Variants in PDE10A observed in about 807,000 individuals in gnomAD.
The protein encoded by PDE10A is phosphodiesterase 10A, also known as cAMP and cAMP-inhibited cGMP 3',5'-cyclic phosphodiesterase 10A.
Under a neutral mutation model 97.7 loss-of-function variants are expected in PDE10A, and 39 were observed. The ratio of observed to expected loss-of-function variants is 0.40; its 90% CI spans 0.31 to 0.52. The LOEUF is 0.52. PDE10A is among the 20% of genes least tolerant of loss of function. PDE10A has a pLI of 0.56. For synonymous variants in PDE10A, 371 were observed against 376.8 expected (o/e 0.98, Z 0.18); for missense variants, 731 against 1,047.8 (o/e 0.70, Z 4.17).
intron 3 of PDE10A, among the ~76,000 whole-genome samples, chr6:165,479,794 G>C (rs1779499462): frequency 6.6e-6 from 1 of 152,086 alleles, no homozygotes. Flanking sequence ...TGAATGATAG[G>C]TAAGAAGACA....
chr6:165,746,924 A>G (rs972537471), intron 1 of PDE10A, among the ~76,000 whole-genome samples: 1 of 152,238 alleles, frequency 6.6e-6, no homozygotes, highest in African/African-American at 2.4e-5. Context: ...TTAATATATC[A>G]CTGGTGATAA....
At position 165,865,752 on chromosome 6, in the gene PDE10A, TA is replaced by T. The variant is rs34523633; in HGVS notation, c.-615+121776del. Reference sequence around the variant, plus strand: ...ATAACTCAGACAAGAAAAAAAGGGATAAAAAAAAGAAGAAAGTCTATGTGCT... The same window carrying T: ...ATAACTCAGACAAGAAAAAAAGGGATAAAAAAAGAAGAAAGTCTATGTGCT... On this transcript the variant is annotated intron_variant, in intron 1 of 19. Transcript: ENST00000366882. Among the ~76,000 whole-genome samples the T allele has an allele frequency of 3.8e-3, 576 of 151,600 alleles. 3 individuals are homozygous for T. The highest frequency in any genetic ancestry group is 0.013 in the African/African-American group (553 of 41,386).
chr6:165,508,272 T>C (rs778249091), intron 2 of PDE10A, among the ~76,000 whole-genome samples: 1 of 152,094 alleles, frequency 6.6e-6, no homozygotes, highest in Non-Finnish European at 1.5e-5. Flanking sequence ...CACTGTATAT[T>C]ACATTGCATT....
chr6:165,455,775 C>T (rs575576335), intron 3 of PDE10A, among the ~76,000 whole-genome samples: 1 of 152,284 alleles, frequency 6.6e-6, no homozygotes, highest in Admixed American at 6.5e-5. Context: ...TGCTTTGTTG[C>T]ACACTTGACC....
chr6:165,447,540 G>C (rs73788391), intron 5 of PDE10A, among the ~76,000 whole-genome samples: 1 of 152,030 alleles, frequency 6.6e-6, no homozygotes, highest in African/African-American at 2.4e-5. Context: ...CATTCCACAC[G>C]TATCAGCCAA....
chr6:165,846,026 C>T (rs1780407728), intron 1 of PDE10A, among the ~76,000 whole-genome samples: 1 of 152,054 alleles, frequency 6.6e-6, no homozygotes, highest in African/African-American at 2.4e-5. Flanking sequence ...GGCATGGGGG[C>T]GGGTTGATGC....
intron 1 of PDE10A, among the ~76,000 whole-genome samples, chr6:165,687,673 T>A (rs1438818185): frequency 6.6e-6 from 1 of 152,212 alleles, no homozygotes; most frequent in Non-Finnish European, 1.5e-5. Flanking sequence ...ACGCTGTTTT[T>A]ATGCACTTCC....
At chr6:165,957,230 C>G (rs763571407) in intron 1 of PDE10A, among the ~76,000 whole-genome samples, 1 of 152,188 alleles carries the variant, frequency 6.6e-6, no homozygotes, top group African/African-American at 2.4e-5. Context: ...ACTATAATTC[C>G]AGCACTTTGG....
At chr6:165,862,004 A>C (rs113352768) in intron 1 of PDE10A, among the ~76,000 whole-genome samples, 209 of 152,354 alleles carry the variant, frequency 1.4e-3, no homozygotes, top group African/African-American at 4.7e-3. Flanking sequence ...CATGCAGTGC[A>C]GTCACATCCT....
At chr6:165,926,055 T>G (rs1216290047) in intron 1 of PDE10A, among the ~76,000 whole-genome samples, 5 of 152,226 alleles carry the variant, frequency 3.3e-5, no homozygotes, top group Non-Finnish European at 5.9e-5. Flanking sequence ...AAATAAAAGT[T>G]TAAAAAATCT....
intron 1 of PDE10A, among the ~76,000 whole-genome samples, chr6:165,568,946 C>T (rs1263270853): frequency 2.0e-5 from 3 of 152,086 alleles, no homozygotes; most frequent in South Asian, 4.2e-4. Context: ...ACAGAATAGC[C>T]GTTAGTGACA....
chr6:165,520,437 T>C (rs1782062735), intron 2 of PDE10A, among the ~76,000 whole-genome samples: 1 of 152,170 alleles, frequency 6.6e-6, no homozygotes, highest in African/African-American at 2.4e-5. Flanking sequence ...GACTTGGAAC[T>C]ACTTCGTGCT....
intron 1 of PDE10A, among the ~76,000 whole-genome samples, chr6:165,904,759 G>A (rs984094233): frequency 6.6e-6 from 1 of 152,046 alleles, no homozygotes; most frequent in Non-Finnish European, 1.5e-5. Flanking sequence ...TTTTGTGTTC[G>A]CTTAGTACTG....
intron 1 of PDE10A, among the ~76,000 whole-genome samples, chr6:165,943,227 GAAAGAAA>G (rs1562809773): frequency 0.034 from 1,858 of 55,358 alleles, 22 homozygotes; most frequent in Admixed American, 0.053. Context: ...AAGAAAGAAA[GAAAGAAA>G]GAAGGAAGGA....
intron 1 of PDE10A, among the ~76,000 whole-genome samples, chr6:165,709,718 C>T (rs1002712071): frequency 1.5e-4 from 19 of 123,206 alleles, no homozygotes; most frequent in Non-Finnish European, 3.2e-4. Context: ...ACTGTCCCCC[C>T]ACTCTCTACC....
rs879567336 is a variant in PDE10A, at chr6:165,369,125, G to A, written c.2783+10069C>T. Among the ~76,000 whole-genome samples, 411 of 151,970 alleles carry A rather than the reference G, an allele frequency of 2.7e-3. 1 individual carries two copies. The highest frequency in any genetic ancestry group is 4.3e-3 in the Non-Finnish European group (290 of 67,956). ...AAAAGTAGATAAAACCACAAAGATG[G>A]GGAAAAAACAGAGCAGAAAAACTGG... On this transcript the variant is annotated intron_variant, in intron 18 of 21. Transcript: ENST00000539869.
chr6:165,405,458 G>A (rs1043005527), intron 13 of PDE10A, among the ~76,000 whole-genome samples: 11 of 152,142 alleles, frequency 7.2e-5, no homozygotes, highest in Non-Finnish European at 1.3e-4. Flanking sequence ...AAAATATAAT[G>A]ACTAATGTGA....
intron 1 of PDE10A, among the ~76,000 whole-genome samples, chr6:165,843,284 T>C (rs1421704307): frequency 2.6e-5 from 4 of 152,142 alleles, no homozygotes; most frequent in Non-Finnish European, 4.4e-5. Flanking sequence ...GAGTGGATTC[T>C]GGACAGAGTG....
chr6:165,497,883 G>A (rs550206644), intron 2 of PDE10A, among the ~76,000 whole-genome samples: 49 of 152,200 alleles, frequency 3.2e-4, no homozygotes, highest in African/African-American at 9.6e-4. Flanking sequence ...AAACTCTGTC[G>A]ACATTTGAGG....
Sources: allele counts gnomAD v4.1 joint callset (sites outside exome capture counted in the v4.1 genomes callset), GRCh38; gene constraint gnomAD v4.1.1; transcripts MANE v1.5; gene names NCBI Gene and HGNC (gene_info 2026-07-23, HGNC 2026-07-21).